The following COPA variants were observed in gnomAD, a reference collection of about 807,000 sequenced individuals.
COPA encodes the protein coat protein complex I subunit alpha.
Under a neutral mutation model 158.7 loss-of-function variants are expected in COPA, and 10 were observed. That is an observed-to-expected ratio of 0.06 (90% CI 0.04 to 0.11). The LOEUF is 0.11. Among genes scored for constraint, COPA ranks in the 10% least tolerant of loss-of-function variants. The pLI is 1.00. For synonymous variants in COPA, 462 were observed against 542.8 expected, an observed-to-expected ratio of 0.85 and a Z score of 2.07; for missense variants, 1,065 against 1,536.7, an observed-to-expected ratio of 0.69 and a Z score of 5.13.
At chr1:160,294,943 C>G (rs1056499697) in intron 23 of COPA, 86 bp from the exon 24 acceptor site, 28 of 1,082,370 alleles carry the variant, frequency 2.6e-5, no homozygotes, top group Non-Finnish European at 3.6e-5. Flanking sequence ...TAAATCCTTT[C>G]AAAAACAGGT....
intron 3 of COPA, among the ~76,000 whole-genome samples, chr1:160,337,587 C>A (rs796455091): frequency 6.6e-6 from 1 of 152,060 alleles, no homozygotes; most frequent in African/African-American, 2.4e-5. Flanking sequence ...GGCTTGGTGG[C>A]GCATGCCTGT....
chr1:160,309,254 A>T, intron 12 of COPA, 78 bp from the exon 13 acceptor site: 5 of 1,074,674 alleles, frequency 4.7e-6, no homozygotes, highest in African/African-American at 3.1e-5. Context: ...TCTGACAGAG[A>T]AAACAGTTCC....
chr1:160,299,470 T>C (rs915948655), intron 17 of COPA, among the ~76,000 whole-genome samples: 4 of 152,212 alleles, frequency 2.6e-5, no homozygotes, highest in Admixed American at 2.0e-4. Flanking sequence ...TTATATGCTA[T>C]TATCCTAGAA....
intron 9 of COPA, among the ~76,000 whole-genome samples, chr1:160,313,604 C>T (rs576166914): frequency 9.9e-5 from 15 of 151,934 alleles, no homozygotes; most frequent in African/African-American, 2.7e-4. Context: ...TTAGTAGAGA[C>T]GGGGTTTCAT....
At position 160,305,421 on chromosome 1, in the gene COPA, T is replaced by C. The variant is rs1399695848; in HGVS notation, c.1667+12A>G. ...GTCTTCTCCCATTCTGTATCCCAGATAATTAACTTACCCAGTGGTGACAGC... is the reference window on the plus strand; with the variant it reads ...GTCTTCTCCCATTCTGTATCCCAGACAATTAACTTACCCAGTGGTGACAGC... On this transcript the variant is annotated intron_variant, in intron 17 of 32. Coordinates refer to ENST00000241704, the MANE Select transcript of COPA (RefSeq NM_004371.4). The C allele has an allele frequency of 1.2e-6, 2 of 1,613,372 alleles. No individual in the cohort carries two copies. Among genetic ancestry groups the C allele is most frequent in the Non-Finnish European group, 1.7e-6 (2 of 1,179,420 alleles).
At chr1:160,309,242 AC>A in intron 12 of COPA, 66 bp from the exon 13 acceptor site, 4 of 1,213,602 alleles carry the variant, frequency 3.3e-6, no homozygotes, top group Non-Finnish European at 4.9e-6. Context: ...TTTCCAATTT[AC>A]TCTGACAGAG....
At chr1:160,297,875 T>G in intron 19 of COPA, 130 bp from the exon 20 acceptor site, 1 of 1,025,814 alleles carries the variant, frequency 9.7e-7, no homozygotes, top group Non-Finnish European at 1.4e-6. Context: ...CTCCTAGCTT[T>G]TAGTCTAATT....
At chr1:160,317,658 T>C in intron 8 of COPA, 9 of 1,525,556 alleles carry the variant, frequency 5.9e-6, no homozygotes, top group Non-Finnish European at 8.2e-6. Context: ...AGGAAGAAGA[T>C]GTGATTGAAG....
chr1:160,309,170 T>C lies in COPA; in HGVS notation c.1150A>G (p.Ser384Gly). The change falls in exon 13 of 33, where the codon AGC (serine) becomes GGC (glycine). Residue 384 changes from serine to glycine, a missense_variant. Physicochemically the swap from Ser to Gly is moderately conservative, Grantham distance 56. Transcript: ENST00000241704. ...ENAVLLCTRA[S>G]NLENSTYDLY... Reference sequence around the variant, plus strand: ...TCATAGGTACTATTCTCTAGATTGCTAGCTCTCTGTAGAAGAAAAGGGGAA... The same window carrying C: ...TCATAGGTACTATTCTCTAGATTGCCAGCTCTCTGTAGAAGAAAAGGGGAA... The C allele has an allele frequency of 6.2e-7, 1 of 1,611,838 alleles. No homozygotes were observed. The highest frequency in any genetic ancestry group is 8.5e-7 in the Non-Finnish European group (1 of 1,178,024).
chr1:160,314,015 T>C lies in COPA; in HGVS notation c.817A>G (p.Ile273Val), dbSNP rs1372666467. The change falls in exon 9 of 33, where the codon ATT (isoleucine) becomes GTT (valine). Residue 273 changes from isoleucine to valine, a missense_variant. Around this residue, in one of 2 missense-constraint regions of COPA, gnomAD observed 980 missense variants for 1,357.8 expected, o/e 0.72. Transcript: ENST00000241704. ...CGCTTAGACATATCCCAGACTCGAA[T>C]ACTCTTGTCCTCAGAATTGCTGAGG... ...LILSNSEDKS[I>V]RVWDMSKRTG... is the part of the protein sequence containing the mutation. 1.9e-6 allele frequency: 3 copies of C among 1,613,646 alleles called. No homozygotes were observed. The highest frequency in any genetic ancestry group is 1.3e-5 in the African/African-American group (1 of 74,902).
intron 6 of COPA, among the ~76,000 whole-genome samples, chr1:160,327,576 G>T (rs1647310283): frequency 6.6e-6 from 1 of 151,252 alleles, no homozygotes; most frequent in South Asian, 2.1e-4. Flanking sequence ...AAAAAAAGGA[G>T]GCTGGGCACG....
intron 14 of COPA, among the ~76,000 whole-genome samples, chr1:160,306,938 G>T (rs77371247): frequency 6.6e-6 from 1 of 152,180 alleles, no homozygotes; most frequent in African/African-American, 2.4e-5. Flanking sequence ...ACTTTAGCTT[G>T]GTTCTTAAAC....
At chr1:160,320,671 A>G (rs1210533654) in intron 8 of COPA, among the ~76,000 whole-genome samples, 2 of 150,514 alleles carry the variant, frequency 1.3e-5, no homozygotes, top group Middle Eastern at 3.4e-3. Context: ...TCTAAAAACC[A>G]GTGCCTAGAT....
intron 17 of COPA, among the ~76,000 whole-genome samples, chr1:160,303,223 A>AAAC (rs368110108): frequency 6.6e-6 from 1 of 152,134 alleles, no homozygotes; most frequent in Non-Finnish European, 1.5e-5. Flanking sequence ...AACAACAACA[A>AAAC]AACTTACGTG....
intron 23 of COPA, among the ~76,000 whole-genome samples, chr1:160,295,391 G>T (rs74125573): frequency 0.014 from 2,116 of 152,258 alleles, 44 homozygotes; most frequent in African/African-American, 0.042. Context: ...ACAGGTAGTT[G>T]AATTAGTACC....
intron 6 of COPA, among the ~76,000 whole-genome samples, chr1:160,330,052 T>C (rs763014775): frequency 2.0e-5 from 3 of 151,502 alleles, no homozygotes; most frequent in Non-Finnish European, 4.4e-5. Flanking sequence ...GAGGTGGAGG[T>C]TGTAGTGAGC....
In COPA at chr1:160,331,904, C is replaced by G. The variant is rs185983614; in HGVS notation, c.496+544G>C. Among the ~76,000 whole-genome samples the G allele has an allele frequency of 1.3e-3, 193 of 151,902 alleles. 1 individual carries two copies. The highest frequency in any genetic ancestry group is 2.2e-3 in the Non-Finnish European group (149 of 67,936). ...AGGTTGCAGTGAGCCAAGATCATCA[C>G]ACCACTGCGCTCCAGCCTGGGCAAC... On this transcript the variant is annotated intron_variant, in intron 6 of 32. Transcript: ENST00000241704.
intron 19 of COPA, 28 bp from the exon 20 acceptor site, chr1:160,297,773 A>G (rs1236662350): frequency 6.2e-7 from 1 of 1,605,350 alleles, no homozygotes; most frequent in Non-Finnish European, 8.5e-7. Context: ...TCGTGTTAAC[A>G]GGTTGAAGGA....
At chr1:160,324,883 A>G (rs1241906389) in intron 7 of COPA, among the ~76,000 whole-genome samples, 1 of 152,224 alleles carries the variant, frequency 6.6e-6, no homozygotes, top group Non-Finnish European at 1.5e-5. Flanking sequence ...TTATACAGTT[A>G]TATGGTATAT....
Sources: gnomAD v4.1 joint callset for allele counts (sites outside exome capture counted in the v4.1 genomes callset) on GRCh38, gnomAD v4.1.1 for gene constraint, gnomAD v4.1.1 regional missense constraint, MANE v1.5 for transcripts, NCBI Gene and HGNC (gene_info 2026-07-23, HGNC 2026-07-21) for gene names.